The following KCNIP4 variants were observed in gnomAD, a reference collection of about 807,000 sequenced individuals.
KCNIP4 encodes potassium voltage-gated channel interacting protein 4.
In KCNIP4, 12 loss-of-function variants were observed where a neutral mutation model predicts 34.0. That is an observed-to-expected ratio of 0.35 (90% CI 0.23 to 0.57). The LOEUF is 0.57. Ranked by LOEUF, KCNIP4 falls within the 20% of genes least tolerant of loss-of-function variation. The pLI is 0.83. For synonymous variants in KCNIP4, 124 were observed against 102.2 expected (o/e 1.21, Z -1.29); for missense variants, 238 against 311.7 (o/e 0.76, Z 1.78).
chr4:21,565,654 A>G (rs1366430125), intron 1 of KCNIP4, among the ~76,000 whole-genome samples: 1 of 152,162 alleles, frequency 6.6e-6, no homozygotes, highest in East Asian at 1.9e-4. Flanking sequence ...AATGACATTC[A>G]TTACAGATTT....
intron 3 of KCNIP4, among the ~76,000 whole-genome samples, chr4:20,828,861 G>C (rs1231839738): frequency 6.6e-6 from 1 of 152,156 alleles, no homozygotes; most frequent in Non-Finnish European, 1.5e-5. Flanking sequence ...TGGAATAAGA[G>C]AGTACTGAGA....
At chr4:21,755,040 G>A (rs1007199435) in intron 1 of KCNIP4, among the ~76,000 whole-genome samples, 2 of 152,090 alleles carry the variant, frequency 1.3e-5, no homozygotes, top group South Asian at 2.1e-4. Flanking sequence ...CCAGCTACTC[G>A]GGAGGCTGAG....
At chr4:21,603,943 A>T (rs1743427633) in intron 1 of KCNIP4, among the ~76,000 whole-genome samples, 1 of 152,102 alleles carries the variant, frequency 6.6e-6, no homozygotes, top group African/African-American at 2.4e-5. Flanking sequence ...ATTTTAATCA[A>T]AATATAATGA....
rs1276234904 is a variant in KCNIP4 at position 21,304,069 on chromosome 4, CAGAG to C, written c.62-421364_62-421361del. Reference sequence around the variant, plus strand: ...AGAGAGAGAGAGAGAGAGAGAGAGACAGAGAGAGAGAGAGAGACAGAGAGAGAGA... The same window carrying C: ...AGAGAGAGAGAGAGAGAGAGAGAGACAGAGAGAGAGAGACAGAGAGAGAGA... On this transcript the variant is annotated intron_variant, in intron 1 of 8. Coordinates refer to ENST00000382152, the MANE Select transcript of KCNIP4 (RefSeq NM_025221.6). The C allele has an allele frequency of 1.1e-3, 150 of 138,096 alleles. 1 individual carries two copies. Among genetic ancestry groups the C allele is most frequent in the Middle Eastern group, 3.3e-3 (1 of 304 alleles). The allele number at this position is 138,096 out of a possible 1,614,324, so 8.6% of individuals were successfully genotyped here.
At chr4:21,506,997 A>G (rs900008034) in intron 1 of KCNIP4, among the ~76,000 whole-genome samples, 2 of 151,624 alleles carry the variant, frequency 1.3e-5, no homozygotes, top group Non-Finnish European at 1.5e-5. Flanking sequence ...TATGTTGCCT[A>G]GGTTGGTGTC....
chr4:21,507,484 T>C (rs554932688), intron 1 of KCNIP4, among the ~76,000 whole-genome samples: 8 of 152,198 alleles, frequency 5.3e-5, no homozygotes, highest in Non-Finnish European at 1.2e-4. Context: ...CTCGAACTCC[T>C]GAGCTCAGAC....
chr4:21,170,191 T>A (rs10007124), intron 1 of KCNIP4, among the ~76,000 whole-genome samples: 292 of 152,270 alleles, frequency 1.9e-3, no homozygotes, highest in African/African-American at 6.8e-3. Context: ...CGGAGTTCTA[T>A]GTGGAAATAC....
intron 1 of KCNIP4, among the ~76,000 whole-genome samples, chr4:21,382,630 A>C (rs2109481289): frequency 6.6e-6 from 1 of 152,292 alleles, no homozygotes; most frequent in Admixed American, 6.5e-5. Context: ...CCCAAGATTT[A>C]GTAACATCTA....
At chr4:20,756,183 AAAG>A (rs1337815295) in intron 4 of KCNIP4, among the ~76,000 whole-genome samples, 4 of 151,982 alleles carry the variant, frequency 2.6e-5, no homozygotes, top group Non-Finnish European at 4.4e-5. Context: ...AAAAAAAAAA[AAAG>A]TGTTGGCAAG....
intron 1 of KCNIP4, chr4:21,303,764 A>G (rs2109249259): frequency 1.3e-6 from 2 of 1,517,520 alleles, no homozygotes; most frequent in South Asian, 2.3e-5. Flanking sequence ...TTTTCATTGC[A>G]AAACAGAGAA....
chr4:21,271,093 G>A (rs950780543), intron 1 of KCNIP4, among the ~76,000 whole-genome samples: 1 of 152,048 alleles, frequency 6.6e-6, no homozygotes, highest in Non-Finnish European at 1.5e-5. Flanking sequence ...TTGAATTTAG[G>A]GTAAAGAGAA....
chr4:20,816,425 C>A (rs1161147627), intron 3 of KCNIP4, among the ~76,000 whole-genome samples: 4 of 152,058 alleles, frequency 2.6e-5, no homozygotes, highest in Non-Finnish European at 5.9e-5. Context: ...GGGACACTTT[C>A]CAAAAAAGCA....
At chr4:20,827,441 T>C (rs112103624) in intron 3 of KCNIP4, among the ~76,000 whole-genome samples, 18 of 152,294 alleles carry the variant, frequency 1.2e-4, no homozygotes, top group Admixed American at 2.0e-4. Context: ...TCTCTTCTTA[T>C]GAAGACGCAA....
chr4:21,085,263 C>T (rs893320376), intron 1 of KCNIP4, among the ~76,000 whole-genome samples: 1 of 152,126 alleles, frequency 6.6e-6, no homozygotes, highest in Non-Finnish European at 1.5e-5. Context: ...AGGATACATG[C>T]AGCTATCGGC....
At chr4:21,937,083 T>C (rs1729899746) in intron 1 of KCNIP4, among the ~76,000 whole-genome samples, 3 of 152,102 alleles carry the variant, frequency 2.0e-5, no homozygotes, top group Admixed American at 1.3e-4. Flanking sequence ...CTGTGCCTCA[T>C]TCATCTCTCT....
At position 21,138,045 on chromosome 4, in the gene KCNIP4, T is replaced by C. The variant is rs369765740; in HGVS notation, c.62-255336A>G. On this transcript the variant is annotated intron_variant, in intron 1 of 8. Coordinates refer to ENST00000382152, the MANE Select transcript of KCNIP4 (RefSeq NM_025221.6). ...TGCCATCACACTCGGCTAATTTTTG[T>C]ATTTTTAGTAGAGACAGGGTTTCAC... Among the ~76,000 whole-genome samples the C allele has an allele frequency of 1.4e-4, 21 of 152,120 alleles. No individual in the cohort carries two copies. The East Asian group carries it at 3.7e-3, about 27-fold the overall frequency.
Position 21,714,799 on chromosome 4 carries a change from A to T in KCNIP4, c.61+233772T>A, listed in dbSNP as rs1254349744. Among the ~76,000 whole-genome samples the T allele has an allele frequency of 8.7e-4, 4 of 4,588 alleles. 1 individual carries two copies. Among genetic ancestry groups the T allele is most frequent in the South Asian group, 0.017 (1 of 60 alleles). The allele number at this position is 4,588 out of a possible 152,430, so 3.0% of individuals were successfully genotyped here. A position where few individuals can be genotyped will look rare whatever the true frequency, so the allele number is the denominator to read the frequency against. On this transcript the variant is annotated intron_variant, in intron 1 of 8. Transcript: ENST00000382152. The stretch of plus-strand genomic sequence containing the variant: ...AATTTCCCTTTGATTATTTTATTTT[A>T]TTTTATTTTATTTTATTTTATTTTA...
At chr4:21,758,811 C>G (rs538818590) in intron 1 of KCNIP4, among the ~76,000 whole-genome samples, 1 of 152,210 alleles carries the variant, frequency 6.6e-6, no homozygotes, top group South Asian at 2.1e-4. Flanking sequence ...TTGTCACTAT[C>G]AGCAGTAGAG....
intron 1 of KCNIP4, among the ~76,000 whole-genome samples, chr4:21,730,766 G>T (rs966143285): frequency 2.0e-5 from 3 of 152,076 alleles, no homozygotes; most frequent in Non-Finnish European, 4.4e-5. Context: ...AAACTTATAC[G>T]CTGGAAGAAA....
Sources: gnomAD v4.1 joint callset for allele counts (sites outside exome capture counted in the v4.1 genomes callset) on GRCh38, gnomAD v4.1.1 for gene constraint, MANE v1.5 for transcripts, NCBI Gene and HGNC (gene_info 2026-07-23, HGNC 2026-07-21) for gene names.